AR: variants seen among roughly 807,000 people sequenced by gnomAD.
The protein encoded by AR is androgen receptor.
A neutral mutation model predicts 53.9 loss-of-function variants in AR; 8 were observed. The observed-to-expected ratio is 0.15, with a 90% CI of 0.09 to 0.27. AR has a LOEUF of 0.27. AR is among the 10% of genes least tolerant of loss of function. The probability of loss-of-function intolerance (pLI) is 1.00; values close to 1 mark genes in which losing one functional copy is unlikely to be tolerated. For missense variants in AR, 639 were observed against 742.5 expected (o/e 0.86, Z 1.62); for synonymous variants, 359 against 316.4 (o/e 1.13, Z -1.43).
chrX:67,662,623 A>G (rs1242691913), intron 2 of AR, among the ~76,000 whole-genome samples: 2 of 110,940 alleles, frequency 1.8e-5, no homozygotes, highest in Non-Finnish European at 3.8e-5. Context: ...TATGTGGTCA[A>G]TTTTGGAATA....
At chrX:67,584,067 A>G (rs951886045) in intron 1 of AR, among the ~76,000 whole-genome samples, 4 of 112,172 alleles carry the variant, frequency 3.6e-5, no homozygotes, top group Admixed American at 9.4e-5. Flanking sequence ...GTTCTCAAAT[A>G]TTTACTCCAT....
intron 3 of AR, among the ~76,000 whole-genome samples, chrX:67,693,871 A>G (rs776309507): frequency 1.8e-5 from 2 of 112,148 alleles, no homozygotes; most frequent in African/African-American, 3.2e-5. Flanking sequence ...TTAATACCCC[A>G]TGGAACCAAT....
chrX:67,654,762 C>A (rs897849053), intron 2 of AR, among the ~76,000 whole-genome samples: 4 of 105,121 alleles, frequency 3.8e-5, no homozygotes, highest in African/African-American at 1.4e-4. Flanking sequence ...CCTGAGCCAG[C>A]ACCTGTGTAA....
At chrX:67,722,663 C>G (rs999074055) in intron 6 of AR, 164 bp from the exon 7 acceptor site, 2 of 554,320 alleles carry the variant, frequency 3.6e-6, no homozygotes, top group East Asian at 7.2e-5. Context: ...ATCTCCCTGA[C>G]AGACTGAAGG....
intron 2 of AR, among the ~76,000 whole-genome samples, chrX:67,653,612 G>A (rs1926450393): frequency 1.8e-5 from 2 of 111,647 alleles, no homozygotes; most frequent in South Asian, 7.5e-4. Flanking sequence ...AATCTCATCA[G>A]ATGCAGCAAG....
In AR at chrX:67,711,410, C is replaced by T. The variant is rs2147524083; in HGVS notation, c.1894C>T (p.Leu632=). 2.5e-6 allele frequency: 3 copies of T among 1,191,281 alleles called. No homozygotes were observed. In the South Asian group the frequency reaches 5.5e-5, roughly 22 times the overall value. ...EAGMTLGARK[L]KKLGNLKLQE... is the part of the protein sequence containing the mutation. ...CTCTTCCTTCCCAATAGCCCGGAAG[C>T]TGAAGAAACTTGGTAATCTGAAACT... The change falls in exon 4 of 8, where the codon CTG becomes TTG. Residue 632 remains leucine, a synonymous_variant. Transcript: ENST00000374690.
intron 1 of AR, 42 bp from the exon 2 acceptor site, chrX:67,643,214 A>T (rs1210659398): frequency 8.3e-7 from 1 of 1,206,138 alleles, no homozygotes; most frequent in African/African-American, 1.7e-5. Context: ...TATTTCTGCC[A>T]TTCAGTGACA....
At chrX:67,705,871 GT>G (rs2076064619) in intron 3 of AR, among the ~76,000 whole-genome samples, 1 of 111,432 alleles carries the variant, frequency 9.0e-6, no homozygotes, top group Non-Finnish European at 1.9e-5. Flanking sequence ...GTTGAATTTT[GT>G]CAAAGGCCTT....
intron 1 of AR, among the ~76,000 whole-genome samples, chrX:67,589,844 C>T (rs1922743435): frequency 9.0e-6 from 1 of 111,579 alleles, no homozygotes; most frequent in African/African-American, 3.3e-5. Context: ...GAGCTGTATA[C>T]TCGAGCATGC....
rs771662807 is a variant in AR at position 67,603,108 on chromosome X, A to G, written c.1617-40148A>G. 5.4e-5 allele frequency among the ~76,000 whole-genome samples: 6 copies of G among 111,881 alleles called. No homozygotes were observed. In the South Asian group the frequency reaches 2.3e-3, roughly 42 times the overall value. On this transcript the variant is annotated intron_variant, in intron 1 of 7. Coordinates refer to ENST00000374690, the MANE Select transcript of AR (RefSeq NM_000044.6). Reference sequence around the variant, plus strand: ...TTGATACACAAATGAATAGTAAAGGAACATAAATTGTCTCTAGGTAGACTT... The same window carrying G: ...TTGATACACAAATGAATAGTAAAGGGACATAAATTGTCTCTAGGTAGACTT...
intron 2 of AR, among the ~76,000 whole-genome samples, chrX:67,660,825 A>C (rs936521708): frequency 9.0e-6 from 1 of 111,570 alleles, no homozygotes; most frequent in Non-Finnish European, 1.9e-5. Flanking sequence ...TTTTCACAAT[A>C]TTGATTCTTC....
At position 67,722,076 on chromosome X, in the gene AR, C is replaced by T. The variant is rs774989328; in HGVS notation, c.2449+113C>T. 4.5e-6 allele frequency: 4 copies of T among 891,940 alleles called. No homozygotes were observed. The East Asian group carries it at 1.0e-4, about 23-fold the overall frequency. 73.5% of individuals were successfully genotyped at this position (891,940 alleles called of 1,213,427 possible). The stretch of plus-strand genomic sequence containing the variant: ...AAGCCAGCTCCTGGACATTTCCCTT[C>T]TTCATTCCCCCTCCCCATCCCCACT... On this transcript the variant is annotated intron_variant, in intron 6 of 7. Transcript: ENST00000374690.
intron 1 of AR, among the ~76,000 whole-genome samples, chrX:67,628,277 T>C (rs966217680): frequency 5.1e-4 from 53 of 104,463 alleles, no homozygotes; most frequent in African/African-American, 1.7e-3. Context: ...GAGCATGGAA[T>C]GTTCTTCCAT....
chrX:67,711,256 A>G (rs893939427), intron 3 of AR, 146 bp from the exon 4 acceptor site: 1 of 676,746 alleles, frequency 1.5e-6, no homozygotes, highest in Non-Finnish European at 2.2e-6. Context: ...CCAGTGTTGA[A>G]TGAGCACTTG....
chrX:67,626,991 T>C (rs1396052840), intron 1 of AR, among the ~76,000 whole-genome samples: 3 of 105,962 alleles, frequency 2.8e-5, no homozygotes, highest in South Asian at 4.4e-4. Context: ...TAGTATTCCA[T>C]GGTGTATATG....
intron 2 of AR, among the ~76,000 whole-genome samples, chrX:67,682,122 T>C (rs2075938315): frequency 9.0e-6 from 1 of 111,618 alleles, no homozygotes; most frequent in Non-Finnish European, 1.9e-5. Flanking sequence ...TAACATTATA[T>C]TCAATGACCA....
At chrX:67,707,108 G>A (rs1323212577) in intron 3 of AR, among the ~76,000 whole-genome samples, 1 of 111,932 alleles carries the variant, frequency 8.9e-6, no homozygotes, top group African/African-American at 3.3e-5. Flanking sequence ...GTGGTGCTGA[G>A]AAGAATGTAT....
At chrX:67,624,904 C>CAAAAAAAAAAAAAA (rs140323582) in intron 1 of AR, among the ~76,000 whole-genome samples, 13 of 18,184 alleles carry the variant, frequency 7.1e-4, no homozygotes, top group African/African-American at 2.8e-3. Flanking sequence ...GGCAATTAGG[C>CAAAAAAAAAAAAAA]AAAAAAAAAA....
intron 1 of AR, among the ~76,000 whole-genome samples, chrX:67,611,657 A>G (rs1465001424): frequency 1.8e-5 from 2 of 111,750 alleles, no homozygotes; most frequent in Non-Finnish European, 3.8e-5. Context: ...CATGTACTGG[A>G]AGTATTTTTG....
Sources: allele counts gnomAD v4.1 joint callset (sites outside exome capture counted in the v4.1 genomes callset), GRCh38; gene constraint gnomAD v4.1.1; transcripts MANE v1.5; gene names NCBI Gene and HGNC (gene_info 2026-07-23, HGNC 2026-07-21).